The following PDE4D variants were observed in gnomAD, a reference collection of about 807,000 sequenced individuals.
PDE4D encodes 3',5'-cyclic-AMP phosphodiesterase 4D.
PDE4D carries 24 observed loss-of-function variants against 87.4 expected under a neutral mutation model. The observed-to-expected ratio is 0.27, with a 90% confidence interval of 0.20 to 0.39. The LOEUF is 0.39. Ranked by LOEUF, PDE4D falls within the 10% of genes least tolerant of loss-of-function variation. The pLI, the probability that PDE4D is intolerant of heterozygous loss-of-function variation, is 1.00. For missense variants in PDE4D, 714 were observed against 1,041.0 expected (o/e 0.69, Z 4.32); for synonymous variants, 384 against 383.2 (o/e 1.00, Z -0.02).
rs1743343776 is a variant in PDE4D at position 58,974,980 on chromosome 5, C to T, written c.2114G>A (p.Arg705His). Residue 705 changes from arginine (R) to histidine (H), a missense_variant, in exon 15 of 15, where the codon CGT (arginine) becomes CAT (histidine). This residue lies in a region of PDE4D where 97 missense variants were observed against 176.9 expected (regional missense o/e 0.55). Coordinates refer to ENST00000340635, the MANE Select transcript of PDE4D (RefSeq NM_001104631.2). ...AGGGATTGTGCTCTGGTACCATTCA[C>T]GATTGTCCTCCAAAGTGTCCAAAAT... ...QDILDTLEDN[R>H]EWYQSTIPQS... 2.5e-6 allele frequency: 4 copies of T among 1,612,582 alleles called. No individual in the cohort carries two copies. The highest frequency in any genetic ancestry group is 3.4e-6 in the Non-Finnish European group (4 of 1,179,034).
chr5:59,456,160 G>T (rs1178655486), intron 1 of PDE4D, among the ~76,000 whole-genome samples: 1 of 152,106 alleles, frequency 6.6e-6, no homozygotes, highest in Middle Eastern at 3.2e-3. Context: ...AGGTACCAGG[G>T]GTGGAATGAT....
At chr5:59,834,917 C>T (rs1741778803) in intron 1 of PDE4D, among the ~76,000 whole-genome samples, 1 of 152,168 alleles carries the variant, frequency 6.6e-6, no homozygotes, top group Non-Finnish European at 1.5e-5. Flanking sequence ...TTACCATCTA[C>T]CATCTCAAAA....
rs1180675685 is a variant in PDE4D at position 59,535,074 on chromosome 5, T to TG, written c.456-319107dup. On this transcript the variant is annotated intron_variant, in intron 1 of 14. Transcript: ENST00000340635. ...GTGCTTAGATTGGTGTGTGTGTGTG[T>TG]GTGGGGGGGGGGTCCTCTATCATGT... 4.7e-3 allele frequency among the ~76,000 whole-genome samples: 337 copies of TG among 71,608 alleles called. 1 individual carries two copies. Among genetic ancestry groups the TG allele is most frequent in the East Asian group, 0.025 (24 of 970 alleles). 47.0% of individuals were successfully genotyped at this position (71,608 alleles called of 152,430 possible). A position where few individuals can be genotyped will look rare whatever the true frequency, so the allele number is the denominator to read the frequency against.
In PDE4D at chr5:59,485,319, C is replaced by T. The variant is rs554972787; in HGVS notation, c.456-269351G>A. ...GTCAGCCATCTGGGCTTTATTTTCA[C>T]TGTACGCCACCGTTATTTATTAAAG... On this transcript the variant is annotated intron_variant, in intron 1 of 14. Transcript: ENST00000340635. Among the ~76,000 whole-genome samples the T allele has an allele frequency of 2.0e-5, 3 of 152,242 alleles. No homozygotes were observed. The South Asian group carries it at 6.2e-4, about 32-fold the overall frequency.
chr5:60,183,265 A>G (rs1442267818), intron 2 of PDE4D, among the ~76,000 whole-genome samples: 1 of 152,208 alleles, frequency 6.6e-6, no homozygotes, highest in Non-Finnish European at 1.5e-5. Context: ...TCTATGGTAT[A>G]TTGTAGCCCA....
chr5:59,392,503 C>CTATATATATATAGA lies in PDE4D; in HGVS notation c.456-176536_456-176535insTCTATATATATATA, dbSNP rs1554154412. On this transcript the variant is annotated intron_variant, in intron 1 of 14. Coordinates refer to ENST00000340635, the MANE Select transcript of PDE4D (RefSeq NM_001104631.2). ...ACCCTTTATATATATGTGTGTGTGT[C>CTATATATATATAGA]TATATATATATATATATATATTCCA... 8.2e-4 allele frequency among the ~76,000 whole-genome samples: 114 copies of CTATATATATATAGA among 139,344 alleles called. 1 individual carries two copies. Among genetic ancestry groups the CTATATATATATAGA allele is most frequent in the African/African-American group, 3.0e-3 (110 of 37,066 alleles). 91.4% of individuals were successfully genotyped at this position (139,344 alleles called of 152,430 possible).
chr5:59,343,537 A>C (rs1779121761), intron 1 of PDE4D, among the ~76,000 whole-genome samples: 2 of 152,178 alleles, frequency 1.3e-5, no homozygotes, highest in Admixed American at 6.5e-5. Context: ...GTACAGCATA[A>C]AGTTTAAGGC....
intron 1 of PDE4D, among the ~76,000 whole-genome samples, chr5:59,324,161 C>G (rs879905276): frequency 1.3e-5 from 2 of 152,188 alleles, no homozygotes; most frequent in East Asian, 1.9e-4. Context: ...CTCTCTCCCT[C>G]TTGCTCAAGC....
intron 1 of PDE4D, among the ~76,000 whole-genome samples, chr5:60,326,565 G>A (rs10939842): frequency 0.097 from 14,799 of 152,022 alleles, 898 homozygotes; most frequent in African/African-American, 0.17. Context: ...ACAACCAGTC[G>A]AGTGACCCAA....
At chr5:59,943,676 G>A (rs531652471) in intron 3 of PDE4D, among the ~76,000 whole-genome samples, 3 of 152,230 alleles carry the variant, frequency 2.0e-5, no homozygotes, top group African/African-American at 7.2e-5. Flanking sequence ...CAGCTCGTGC[G>A]GGCAGCACTG....
chr5:59,843,233 G>A (rs951463705), intron 1 of PDE4D, among the ~76,000 whole-genome samples: 7 of 151,812 alleles, frequency 4.6e-5, no homozygotes, highest in Non-Finnish European at 7.4e-5. Context: ...TTTAAAATAC[G>A]TATTTCAAGA....
intron 1 of PDE4D, among the ~76,000 whole-genome samples, chr5:59,553,668 A>G (rs1156614199): frequency 1.3e-5 from 2 of 152,194 alleles, no homozygotes; most frequent in Admixed American, 6.6e-5. Context: ...TCTAAGCCAC[A>G]TTAAAATGAA....
At chr5:59,514,263 G>A (rs910512296) in intron 1 of PDE4D, among the ~76,000 whole-genome samples, 14 of 151,786 alleles carry the variant, frequency 9.2e-5, no homozygotes, top group Middle Eastern at 3.2e-3. Context: ...CCGCCACCAC[G>A]CCCAGCTAAT....
chr5:60,081,426 G>A (rs547348053), intron 2 of PDE4D, among the ~76,000 whole-genome samples: 4 of 149,392 alleles, frequency 2.7e-5, no homozygotes, highest in Non-Finnish European at 5.9e-5. Context: ...TCTTGTTTTC[G>A]GCTAGCTTTT....
At chr5:60,471,660 A>G (rs1747819420) in intron 1 of PDE4D, among the ~76,000 whole-genome samples, 1 of 152,206 alleles carries the variant, frequency 6.6e-6, no homozygotes, top group Non-Finnish European at 1.5e-5. Context: ...ACCAGCAAAA[A>G]AATTACAACT....
intron 2 of PDE4D, among the ~76,000 whole-genome samples, chr5:60,141,951 A>T (rs997604095): frequency 3.9e-5 from 6 of 152,162 alleles, no homozygotes; most frequent in Admixed American, 3.3e-4. Context: ...TTAAGTAATA[A>T]TAATAACTCA....
At chr5:59,047,796 TGAGAATGGA>T (rs1760937073) in intron 5 of PDE4D, among the ~76,000 whole-genome samples, 1 of 152,162 alleles carries the variant, frequency 6.6e-6, no homozygotes, top group Non-Finnish European at 1.5e-5. Flanking sequence ...AATTAGGTCA[TGAGAATGGA>T]GCCCTCATGA....
intron 1 of PDE4D, among the ~76,000 whole-genome samples, chr5:60,447,875 G>T (rs1583801863): frequency 6.6e-6 from 1 of 152,108 alleles, no homozygotes; most frequent in African/African-American, 2.4e-5. Context: ...TACTAGGAGG[G>T]TAGCCTCAGA....
At chr5:59,886,024 T>G (rs1158683840) in intron 1 of PDE4D, among the ~76,000 whole-genome samples, 2 of 152,194 alleles carry the variant, frequency 1.3e-5, no homozygotes, top group African/African-American at 4.8e-5. Context: ...TCAAAGAGAT[T>G]ATTAAGAAAA....
Sources: gnomAD v4.1 joint callset for allele counts (sites outside exome capture counted in the v4.1 genomes callset) on GRCh38, gnomAD v4.1.1 for gene constraint, gnomAD v4.1.1 regional missense constraint, MANE v1.5 for transcripts, NCBI Gene and HGNC (gene_info 2026-07-23, HGNC 2026-07-21) for gene names.